The following CAMTA1 variants were observed in gnomAD, a reference collection of about 807,000 sequenced individuals.
The protein encoded by CAMTA1 is calmodulin binding transcription activator 1, also known as calmodulin-binding transcription activator 1.
CAMTA1 carries 27 observed loss-of-function variants against 170.9 expected under a neutral mutation model. The ratio of observed to expected loss-of-function variants is 0.16; its 90% confidence interval spans 0.12 to 0.22. CAMTA1 has a LOEUF of 0.22. Among genes scored for constraint, CAMTA1 ranks in the 10% least tolerant of loss-of-function variants. CAMTA1 has a pLI of 1.00. For missense variants in CAMTA1, 1,619 were observed against 2,217.2 expected, an observed-to-expected ratio of 0.73 and a Z score of 5.42; for synonymous variants, 833 against 891.5, an observed-to-expected ratio of 0.93 and a Z score of 1.17.
chr1:7,107,308 CCACA>C (rs1348786042), intron 4 of CAMTA1, among the ~76,000 whole-genome samples: 2 of 38,584 alleles, frequency 5.2e-5, no homozygotes, highest in African/African-American at 1.4e-4. Context: ...GTGTGCGCGC[CCACA>C]CACACAGCTG....
chr1:7,172,104 G>A (rs1282001746), intron 4 of CAMTA1, among the ~76,000 whole-genome samples: 3 of 151,840 alleles, frequency 2.0e-5, no homozygotes, highest in East Asian at 3.9e-4. Context: ...TCATTGTCAC[G>A]GGACAGGTTC....
In CAMTA1 at chr1:7,007,609, C is replaced by T. The variant is rs532020631; in HGVS notation, c.235-83695C>T. On this transcript the variant is annotated intron_variant, in intron 3 of 22. Transcript: ENST00000303635. This position sits in a 1 kb window ranked among gnomAD's most constrained non-coding sequence, Gnocchi z 4.5. The stretch of plus-strand genomic sequence containing the variant: ...CCTCCAATCCCAAACTCCTCCCATC[C>T]TCAGGTGACCTGGTGCTTGACCCAG... Among the ~76,000 whole-genome samples, 2 of 152,210 alleles carry T rather than the reference C, an allele frequency of 1.3e-5. No individual in the cohort carries two copies. The highest frequency in any genetic ancestry group is 2.9e-5 in the Non-Finnish European group (2 of 68,048).
intron 3 of CAMTA1, among the ~76,000 whole-genome samples, chr1:6,962,060 G>C (rs1690520153): frequency 6.6e-6 from 1 of 151,896 alleles, no homozygotes; most frequent in African/African-American, 2.4e-5. Flanking sequence ...TGTCTCCCTC[G>C]CGGTGTCCGT....
At chr1:7,628,998 A>T (rs1032520130) in intron 6 of CAMTA1, among the ~76,000 whole-genome samples, 1 of 152,222 alleles carries the variant, frequency 6.6e-6, no homozygotes, top group Middle Eastern at 3.2e-3. Context: ...TGCCCTGAGG[A>T]GGACCTTTGC....
intron 6 of CAMTA1, among the ~76,000 whole-genome samples, chr1:7,567,390 C>T (rs921190083): frequency 2.6e-5 from 4 of 152,236 alleles, no homozygotes; most frequent in Non-Finnish European, 5.9e-5. Context: ...CAGACATACA[C>T]CTGAATGGCA....
Position 7,435,848 on chromosome 1 carries a change from G to C in CAMTA1, c.439-31982G>C, listed in dbSNP as rs1452684650. On this transcript the variant is annotated intron_variant, in intron 5 of 22. Coordinates refer to ENST00000303635, the MANE Select transcript of CAMTA1 (RefSeq NM_015215.4). The surrounding 1 kb of genome is among the most constrained non-coding windows in gnomAD (Gnocchi z 4.4). ...ATTCCTGCACCCTTGCCTTCTGGCAGGGCTTGCATGCCTCCGAGCTCACAG... is the reference window on the plus strand; with the variant it reads ...ATTCCTGCACCCTTGCCTTCTGGCACGGCTTGCATGCCTCCGAGCTCACAG... Among the ~76,000 whole-genome samples the C allele has an allele frequency of 1.3e-5, 2 of 152,174 alleles. No individual in the cohort carries two copies. Among genetic ancestry groups the C allele is most frequent in the East Asian group, 3.9e-4 (2 of 5,174 alleles).
At position 7,670,801 on chromosome 1, in the gene CAMTA1, G is replaced by A. The variant is rs531322509; in HGVS notation, c.2653-110G>A. 6.7e-5 allele frequency: 84 copies of A among 1,248,296 alleles called. No homozygotes were observed. In the African/African-American group the frequency reaches 1.1e-3, roughly 17 times the overall value. 77.3% of individuals were successfully genotyped at this position (1,248,296 alleles called of 1,614,324 possible). On this transcript the variant is annotated intron_variant, in intron 9 of 22. Coordinates refer to ENST00000303635, the MANE Select transcript of CAMTA1 (RefSeq NM_015215.4). ...GTGAGGGCCTGGGAATCTGCATGGG[G>A]CGAGGGGTACAGACCCCCATCTGAG...
chr1:7,754,722 A>G (rs752715056), intron 21 of CAMTA1, among the ~76,000 whole-genome samples: 1 of 152,236 alleles, frequency 6.6e-6, no homozygotes, highest in Non-Finnish European at 1.5e-5. Flanking sequence ...ATTCCTGTGC[A>G]TTAATTGGAA....
At chr1:7,276,296 TATA>T (rs1193548474) in intron 5 of CAMTA1, among the ~76,000 whole-genome samples, 3 of 14,194 alleles carry the variant, frequency 2.1e-4, no homozygotes, top group South Asian at 1.9e-3. Flanking sequence ...TATATATATA[TATA>T]TATATTTTTT....
intron 5 of CAMTA1, among the ~76,000 whole-genome samples, chr1:7,326,089 G>A (rs1258136521): frequency 6.6e-6 from 1 of 152,142 alleles, no homozygotes; most frequent in Non-Finnish European, 1.5e-5. Context: ...GAACTCATGA[G>A]CTCAAGTGAT....
rs571316544 is a variant in CAMTA1, at chr1:6,990,209, A to G, written c.235-101095A>G. Among the ~76,000 whole-genome samples, 6 of 152,248 alleles carry G rather than the reference A, an allele frequency of 3.9e-5. No homozygotes were observed. In the South Asian group the frequency reaches 1.2e-3, roughly 32 times the overall value. ...TTTAGCTCAAGTGTTTAGTTCATTT[A>G]TTTTCAATCTTTCTTGTTTTCTGTT... On this transcript the variant is annotated intron_variant, in intron 3 of 22. Coordinates refer to ENST00000303635, the MANE Select transcript of CAMTA1 (RefSeq NM_015215.4).
intron 4 of CAMTA1, among the ~76,000 whole-genome samples, chr1:7,230,355 T>TCTGAGC (rs1662502488): frequency 6.6e-6 from 1 of 150,486 alleles, no homozygotes; most frequent in East Asian, 2.0e-4. Context: ...AACCCCCAGC[T>TCTGAGC]CTGAGCCTGT....
chr1:7,398,386 A>G (rs886695599), intron 5 of CAMTA1, among the ~76,000 whole-genome samples: 8 of 151,420 alleles, frequency 5.3e-5, no homozygotes, highest in Admixed American at 3.3e-4. Flanking sequence ...TTTATCTGAT[A>G]TAAGTATGGC....
In CAMTA1 at chr1:7,517,355, C is replaced by T. The variant is rs369777715; in HGVS notation, c.510+49454C>T. Among the ~76,000 whole-genome samples the T allele has an allele frequency of 7.2e-5, 11 of 152,280 alleles. No individual in the cohort carries two copies. In the Middle Eastern group the frequency reaches 0.01, roughly 141 times the overall value. On this transcript the variant is annotated intron_variant, in intron 6 of 22. Transcript: ENST00000303635. ...ACCTCACAGGAGAGTTCCACTTCTA[C>T]CTGCAACCTTGGCCAAGGACTTTAA...
intron 5 of CAMTA1, among the ~76,000 whole-genome samples, chr1:7,364,778 T>A (rs986991888): frequency 1.3e-5 from 2 of 152,136 alleles, no homozygotes; most frequent in African/African-American, 4.8e-5. Flanking sequence ...GGAGTTTGGA[T>A]AAGCCCCATA....
At chr1:7,404,052 T>C (rs568687651) in intron 5 of CAMTA1, among the ~76,000 whole-genome samples, 2 of 152,270 alleles carry the variant, frequency 1.3e-5, no homozygotes, top group African/African-American at 4.8e-5. Context: ...GCAGCAGATA[T>C]CTGTGATCTC....
chr1:7,187,668 C>T (rs1196403283), intron 4 of CAMTA1, among the ~76,000 whole-genome samples: 2 of 152,088 alleles, frequency 1.3e-5, no homozygotes, highest in Non-Finnish European at 2.9e-5. Context: ...GTTCACCTGC[C>T]CTCTGGATTT....
intron 5 of CAMTA1, among the ~76,000 whole-genome samples, chr1:7,373,052 T>C (rs1284995429): frequency 6.6e-6 from 1 of 152,204 alleles, no homozygotes; most frequent in Non-Finnish European, 1.5e-5. Context: ...ACATGTAGCC[T>C]GCAGGAGGCA....
intron 6 of CAMTA1, among the ~76,000 whole-genome samples, chr1:7,639,581 T>C (rs2095744461): frequency 6.6e-6 from 1 of 152,108 alleles, no homozygotes; most frequent in Admixed American, 6.5e-5. Context: ...AAGACCAGCC[T>C]GGCCAATATA....
Sources: gnomAD v4.1 joint callset for allele counts (sites outside exome capture counted in the v4.1 genomes callset) on GRCh38, gnomAD v4.1.1 for gene constraint, Gnocchi (gnomAD v3.1) non-coding constraint, MANE v1.5 for transcripts, NCBI Gene and HGNC (gene_info 2026-07-23, HGNC 2026-07-21) for gene names.